Variants in CDHR4 observed in about 807,000 individuals in gnomAD.
CDHR4 encodes the protein cadherin-related family member 4.
In CDHR4, 89 loss-of-function variants were observed where a neutral mutation model predicts 88.4. The observed-to-expected ratio is 1.01, with a 90% CI of 0.85 to 1.20. The LOEUF is 1.20. Ranked by LOEUF, CDHR4 falls within the 50% of genes most tolerant of loss-of-function variation. The pLI, the probability that CDHR4 is intolerant of heterozygous loss-of-function variation, is 0.00. For missense variants in CDHR4, 914 were observed against 1,007.2 expected (o/e 0.91, Z 1.25); for synonymous variants, 368 against 399.2 (o/e 0.92, Z 0.93).
chr3:49,798,967 C>T, intron 3 of CDHR4, 27 bp downstream of exon 3: 8 of 1,610,924 alleles, frequency 5.0e-6, no homozygotes, highest in Non-Finnish European at 5.1e-6. Flanking sequence ...TGCCTGCCCC[C>T]ACCCTGCCGG....
At position 49,793,802 on chromosome 3, in the gene CDHR4, C is replaced by T; in HGVS notation, c.1483+1G>A. On this transcript the variant is annotated splice_donor_variant, in intron 11 of 18. Coordinates refer to ENST00000412678, the MANE Select transcript of CDHR4 (RefSeq NM_001007540.4). LOFTEE classifies it high-confidence loss of function. ...CCATCCCAGCCCTGGGGTGGATGTA[C>T]CGCTGAGACGGTCCACAGCAAAGGT... is the stretch of plus-strand genomic sequence containing the variant. The T allele has an allele frequency of 7.1e-6, 11 of 1,551,760 alleles. No homozygotes were observed. The highest frequency in any genetic ancestry group is 1.4e-5 in the African/African-American group (1 of 73,186).
chr3:49,795,432 G>A lies in CDHR4; in HGVS notation c.848-53C>T. 6.5e-7 allele frequency: 1 copy of A among 1,533,070 alleles called. No homozygotes were observed. Among genetic ancestry groups the A allele is most frequent in the Admixed American group, 2.0e-5 (1 of 50,648 alleles). The allele number at this position is 1,533,070 out of a possible 1,614,324, so 95.0% of individuals were successfully genotyped here. A position where few individuals can be genotyped will look rare whatever the true frequency, so the allele number is the denominator to read the frequency against. On this transcript the variant is annotated intron_variant, in intron 7 of 18. Transcript: ENST00000412678. This position sits in a 1 kb window ranked among gnomAD's most constrained non-coding sequence, Gnocchi z 5.4. Reference sequence around the variant, plus strand: ...CAGGGGTCAGGGAACACAGAGATCAGCCCCGCCTCCCAGCTCAGTCCCACT... The same window carrying A: ...CAGGGGTCAGGGAACACAGAGATCAACCCCGCCTCCCAGCTCAGTCCCACT...
rs759524530 is a variant in CDHR4 at position 49,793,037 on chromosome 3, G to A, written c.1812C>T (p.Ile604=). 6.4e-7 allele frequency: 1 copy of A among 1,551,434 alleles called. No homozygotes were observed. ...SQNRFILQGA[I]LVHSDLVLGP... ...CCAACACAAGGTCACTGTGCACCAG[G>A]ATGGCCCCTTGCAGGATGAATCGGT... Residue 604 remains isoleucine, a synonymous_variant, in exon 14 of 19, where the codon ATC becomes ATT. Transcript: ENST00000412678.
At position 49,797,702 on chromosome 3, in the gene CDHR4, G is replaced by A. The variant is rs567049375; in HGVS notation, c.496-670C>T. ...TCGCCATGTTGGCCAGGCTGGTCACGAACTCCTGACCTCCAGTGATCCACC... is the reference window on the plus strand; with the variant it reads ...TCGCCATGTTGGCCAGGCTGGTCACAAACTCCTGACCTCCAGTGATCCACC... On this transcript the variant is annotated intron_variant, in intron 4 of 18. Transcript: ENST00000412678. 1.8e-3 allele frequency among the ~76,000 whole-genome samples: 278 copies of A among 151,838 alleles called. 1 individual carries two copies. The highest frequency in any genetic ancestry group is 3.1e-3 in the Non-Finnish European group (214 of 67,954).
chr3:49,795,691 C>A lies in CDHR4; in HGVS notation c.784G>T (p.Gly262Cys). 6.4e-7 allele frequency: 1 copy of A among 1,551,664 alleles called. No individual in the cohort carries two copies. Among genetic ancestry groups the A allele is most frequent in the Non-Finnish European group, 8.7e-7 (1 of 1,146,980 alleles). ...GSEVVQVQAR[G>C]VDLRYEILSP... ...AGGATTTCATAGCGCAGGTCGACAC[C>A]CCGGGCCTGGACCTGAACCACCTCA... The change falls in exon 7 of 19, where the codon GGT becomes TGT. Residue 262 changes from glycine (G) to cysteine (C), a missense_variant. Physicochemically the swap from Gly to Cys is radical, Grantham distance 159 (BLOSUM62 -3). Transcript: ENST00000412678. The surrounding 1 kb of genome is among the most constrained non-coding windows in gnomAD (Gnocchi z 5.4).
In CDHR4 at chr3:49,792,523, T is replaced by C. The variant is rs2081196015; in HGVS notation, c.2083A>G (p.Thr695Ala). 1 of 1,551,682 alleles carries C rather than the reference T, an allele frequency of 6.4e-7. No homozygotes were observed. The highest frequency in any genetic ancestry group is 8.7e-7 in the Non-Finnish European group (1 of 1,146,976). Residue 695 changes from threonine (T) to alanine (A), a missense_variant, in exon 15 of 19, where the codon ACT becomes GCT. Physicochemically the swap from Thr to Ala is moderately conservative, Grantham distance 58. Coordinates refer to ENST00000412678, the MANE Select transcript of CDHR4 (RefSeq NM_001007540.4). ...QPWFVVVLTATGALLLLALGW... is the reference protein window; with the variant it reads ...QPWFVVVLTAAGALLLLALGW... ...AGGGCCAAGAGGAGAAGAGCACCAG[T>C]TGCTGTCAACACCACCACAAACCAG...
intron 9 of CDHR4, 37 bp from the exon 10 acceptor site, chr3:49,794,738 G>A (rs756485912): frequency 6.6e-7 from 1 of 1,519,260 alleles, no homozygotes; most frequent in South Asian, 1.2e-5. Flanking sequence ...TCCAGCCAGG[G>A]CCTGAGAGAG....
At chr3:49,799,198 A>G in intron 2 of CDHR4, 42 bp from the exon 3 acceptor site, 1 of 1,603,824 alleles carries the variant, frequency 6.2e-7, no homozygotes, top group Non-Finnish European at 8.5e-7. Context: ...TGGAAATTTT[A>G]GGTCTGCCCT....
chr3:49,796,054 G>A lies in CDHR4; in HGVS notation c.607-8C>T. On this transcript the variant is annotated splice_polypyrimidine_tract_variant and splice_region_variant and intron_variant, in intron 5 of 18. Coordinates refer to ENST00000412678, the MANE Select transcript of CDHR4 (RefSeq NM_001007540.4). ...GATTTGCAGCTGGAAGACCTGTGGT[G>A]CACCCAGAACAGAAAAGGAGCCAGA... is the stretch of plus-strand genomic sequence containing the variant. The A allele has an allele frequency of 6.6e-7, 1 of 1,509,484 alleles. No individual in the cohort carries two copies. The highest frequency in any genetic ancestry group is 8.9e-7 in the Non-Finnish European group (1 of 1,129,356). 93.5% of individuals were successfully genotyped at this position (1,509,484 alleles called of 1,614,324 possible).
Position 49,793,978 on chromosome 3 carries a change from T to G in CDHR4, c.1308A>C (p.Thr436=). 1 of 1,551,636 alleles carries G rather than the reference T, an allele frequency of 6.4e-7. No individual in the cohort carries two copies. The highest frequency in any genetic ancestry group is 8.7e-7 in the Non-Finnish European group (1 of 1,146,974). ...AGGCTGGGGAGAACTCGTTGATGGG[T>G]GTCACCATCACCAGTACCGGCACCT... The part of the protein sequence containing the change: ...TTEVPVLVMV[T]PINEFSPACA... Residue 436 remains threonine, a synonymous_variant, in exon 11 of 19, where the codon ACA becomes ACC. Coordinates refer to ENST00000412678, the MANE Select transcript of CDHR4 (RefSeq NM_001007540.4).
rs1451267636 is a variant in CDHR4 at position 49,794,745 on chromosome 3, A to AGAGCCCTGAGC, written c.1186-55_1186-45dup. ...AAGTGAGGTCCAGCCAGGGCCTGAG[A>AGAGCCCTGAGC]GAGCCCTGAGCCACACGGGGCTGCT... On this transcript the variant is annotated intron_variant, in intron 9 of 18. Coordinates refer to ENST00000412678, the MANE Select transcript of CDHR4 (RefSeq NM_001007540.4). The AGAGCCCTGAGC allele has an allele frequency of 3.3e-6, 5 of 1,510,344 alleles. No homozygotes were observed. The African/African-American group carries it at 6.9e-5, about 21-fold the overall frequency. 93.6% of individuals were successfully genotyped at this position (1,510,344 alleles called of 1,614,324 possible). A position where few individuals can be genotyped will look rare whatever the true frequency, so the allele number is the denominator to read the frequency against.
At position 49,792,596 on chromosome 3, in the gene CDHR4, C is replaced by T. The variant is rs1279076938; in HGVS notation, c.2010G>A (p.Met670Ile). 6.4e-7 allele frequency: 1 copy of T among 1,551,662 alleles called. No individual in the cohort carries two copies. Among genetic ancestry groups the T allele is most frequent in the African/African-American group, 1.4e-5 (1 of 73,158 alleles). Residue 670 changes from methionine to isoleucine, a missense_variant, in exon 15 of 19, where the codon ATG (methionine) becomes ATA (isoleucine). By Grantham distance (10) the Met-to-Ile change is conservative. Coordinates refer to ENST00000412678, the MANE Select transcript of CDHR4 (RefSeq NM_001007540.4). The part of the protein sequence containing the change: ...STHRTTVPST[M>I]TPMLVTDTEA... ...CTGTGTCTGTCACGAGCATGGGTGT[C>T]ATCGTTGAGGGCACCTGAAAAGGAG...
intron 12 of CDHR4, 27 bp from the exon 13 acceptor site, chr3:49,793,338 G>C (rs1055432158): frequency 4.5e-6 from 7 of 1,548,462 alleles, no homozygotes; most frequent in Non-Finnish European, 5.2e-6. Flanking sequence ...GGTTAGGAGT[G>C]GGTGGAACCC....
chr3:49,791,860 A>G, intron 16 of CDHR4, 43 bp downstream of exon 16: 2 of 1,551,634 alleles, frequency 1.3e-6, no homozygotes, highest in Non-Finnish European at 1.7e-6. Context: ...CCTGAGTTTA[A>G]GAGATGGGAT....
At chr3:49,799,536 A>G in intron 1 of CDHR4, 99 bp from the exon 2 acceptor site, 1 of 1,317,814 alleles carries the variant, frequency 7.6e-7, no homozygotes. Context: ...TGGCCATGCC[A>G]TGGGGCCAAG....
intron 18 of CDHR4, 57 bp from the exon 19 acceptor site, chr3:49,790,944 GCCTCCCTC>G (rs1016506606): frequency 1.1e-4 from 152 of 1,364,140 alleles, no homozygotes; most frequent in Non-Finnish European, 7.4e-5. Context: ...CAGAAGAACT[GCCTCCCTC>G]CCCCTTACTT....
upstream of CDHR4, among the ~76,000 whole-genome samples, chr3:49,801,852 T>C (rs1434101678): frequency 1.3e-5 from 2 of 152,262 alleles, no homozygotes; most frequent in Non-Finnish European, 2.9e-5. Context: ...TCCACTCTTA[T>C]TGCAGAATCC....
intron 4 of CDHR4, 60 bp from the exon 5 acceptor site, chr3:49,797,092 C>T (rs1018296015): frequency 3.4e-5 from 48 of 1,403,986 alleles, no homozygotes; most frequent in Admixed American, 9.9e-5. Context: ...GCACCCCCAT[C>T]GACAACCCAG....
chr3:49,799,647 T>C (rs970812092), intron 1 of CDHR4, 117 bp downstream of exon 1: 3 of 1,196,054 alleles, frequency 2.5e-6, no homozygotes, highest in Non-Finnish European at 3.6e-6. Flanking sequence ...GGGCCAGGGG[T>C]TCAGATTCTT....
Sources: allele counts gnomAD v4.1 joint callset (sites outside exome capture counted in the v4.1 genomes callset), GRCh38; gene constraint gnomAD v4.1.1; non-coding constraint Gnocchi (gnomAD v3.1); transcripts MANE v1.5; gene names NCBI Gene and HGNC (gene_info 2026-07-23, HGNC 2026-07-21).